NECTIN1: variants seen among roughly 807,000 people sequenced by gnomAD.
The protein encoded by NECTIN1 is nectin cell adhesion molecule 1, also known as nectin-1.
A neutral mutation model predicts 48.0 loss-of-function variants in NECTIN1; 23 were observed. The ratio of observed to expected loss-of-function variants is 0.48; its 90% CI spans 0.34 to 0.68. The LOEUF (loss-of-function observed/expected upper bound fraction) is 0.68. Ranked by LOEUF, NECTIN1 falls within the 30% of genes least tolerant of loss-of-function variation. The pLI is 0.01. For synonymous variants in NECTIN1, 270 were observed against 288.9 expected (o/e 0.93, Z 0.66); for missense variants, 591 against 709.9 (o/e 0.83, Z 1.90).
chr11:119,657,740 A>AATAATAATG (rs1864597754), downstream of NECTIN1, among the ~76,000 whole-genome samples: 1 of 7,394 alleles, frequency 1.4e-4, no homozygotes, highest in Non-Finnish European at 3.7e-4. Context: ...GTCTCTATAA[A>AATAATAATG]ATAATAATAA....
chr11:119,700,605 G>A (rs1429090817), intron 1 of NECTIN1, among the ~76,000 whole-genome samples: 1 of 152,208 alleles, frequency 6.6e-6, no homozygotes, highest in East Asian at 1.9e-4. Flanking sequence ...GACGGTGGGT[G>A]GGGAGTGTTC....
exon 8 of NECTIN1, chr11:119,638,114 C>T (rs1227781271): frequency 1.2e-5 from 19 of 1,612,842 alleles, no homozygotes; most frequent in African/African-American, 6.7e-5. Context: ...GCACTCTCCT[C>T]GAGGTTCGGT....
intron 5 of NECTIN1, chr11:119,654,278 TCC>T: frequency 1.3e-5 from 2 of 151,986 alleles, no homozygotes; most frequent in Non-Finnish European, 2.9e-5. Flanking sequence ...CATCCATCCA[TCC>T]ATCCATCCAT....
At chr11:119,701,508 G>T (rs1279467013) in intron 1 of NECTIN1, among the ~76,000 whole-genome samples, 1 of 151,996 alleles carries the variant, frequency 6.6e-6, no homozygotes, top group Non-Finnish European at 1.5e-5. Flanking sequence ...TCCCTAGAAC[G>T]GGACCACAGA....
At position 119,678,742 on chromosome 11, in the gene NECTIN1, C is replaced by G; in HGVS notation, c.103G>C (p.Val35Leu). Residue 35 changes from valine (V) to leucine (L), a missense_variant, in exon 2 of 6, where the codon GTG becomes CTG. By Grantham distance (32) the Val-to-Leu change is conservative. Transcript: ENST00000264025. This position sits in a 1 kb window ranked among gnomAD's most constrained non-coding sequence, Gnocchi z 4.4. The part of the protein sequence containing the change: ...LPGVHSQVVQ[V>L]NDSMYGFIGT... The stretch of plus-strand genomic sequence containing the variant: ...ATGAAGCCATACATGGAGTCGTTCA[C>G]CTGGACCACCTGGGAGTGGACGCCT... The G allele has an allele frequency of 1.9e-6, 3 of 1,611,384 alleles. No individual in the cohort carries two copies. The highest frequency in any genetic ancestry group is 2.5e-6 in the Non-Finnish European group (3 of 1,178,876).
At chr11:119,674,623 C>T in intron 5 of NECTIN1, 1 of 1,614,236 alleles carries the variant, frequency 6.2e-7, no homozygotes, top group Non-Finnish European at 8.5e-7. Context: ...CCTCCCTTTG[C>T]CCGGATAGAT....
downstream of NECTIN1, chr11:119,659,426 G>C (rs1242734836): frequency 1.3e-5 from 2 of 152,302 alleles, no homozygotes; most frequent in Non-Finnish European, 2.9e-5. Flanking sequence ...ATCCCAGGGG[G>C]GAACTTAGAC....
At chr11:119,699,763 G>A (rs762587198) in intron 1 of NECTIN1, among the ~76,000 whole-genome samples, 13 of 152,220 alleles carry the variant, frequency 8.5e-5, no homozygotes, top group Non-Finnish European at 1.6e-4. Flanking sequence ...TCGAGACTAA[G>A]TGGCATTCGG....
Position 119,663,627 on chromosome 11 carries a change from A to T in NECTIN1, c.*1120T>A, listed in dbSNP as rs570248260. On this transcript the variant is annotated 3_prime_UTR_variant, in exon 6 of 6. Transcript: ENST00000264025. ...TCCTTCCCCACTACCCTCCGTGTGG[A>T]TGCTTCTTTACCTCTGACTCCTGCA... 277 of 985,578 alleles carry T rather than the reference A, an allele frequency of 2.8e-4. 3 individuals carry two copies. In the Admixed American group the frequency reaches 2.9e-3, roughly 10 times the overall value. 61.1% of individuals were successfully genotyped at this position (985,578 alleles called of 1,614,324 possible). A position where few individuals can be genotyped will look rare whatever the true frequency, so the allele number is the denominator to read the frequency against.
rs1864699378 is a variant in NECTIN1 at position 119,663,265 on chromosome 11, A to C, written c.*1482T>G. The C allele has an allele frequency of 1.0e-6, 1 of 985,436 alleles. No homozygotes were observed. Among genetic ancestry groups the C allele is most frequent in the Non-Finnish European group, 1.2e-6 (1 of 830,024 alleles). The allele number at this position is 985,436 out of a possible 1,614,324, so 61.0% of individuals were successfully genotyped here. ...CTAGAGTGCCAGGGGATCTGGGAGCAGATGGAGGAACTGAGGCACTTTGAG... is the reference window on the plus strand; with the variant it reads ...CTAGAGTGCCAGGGGATCTGGGAGCCGATGGAGGAACTGAGGCACTTTGAG... On this transcript the variant is annotated 3_prime_UTR_variant, in exon 6 of 6. Coordinates refer to ENST00000264025, the MANE Select transcript of NECTIN1 (RefSeq NM_002855.5).
chr11:119,673,674 G>T lies in NECTIN1; in HGVS notation c.1003+1485C>A, dbSNP rs1864897046. ...TGTGACAGTGCCTCCCTGAGGGGTG[G>T]TCATGTTCCCTATGGCCACTCCACA... is the stretch of plus-strand genomic sequence containing the variant. On this transcript the variant is annotated intron_variant, in intron 5 of 5. Transcript: ENST00000264025. The surrounding 1 kb of genome is among the most constrained non-coding windows in gnomAD (Gnocchi z 5.8). Among the ~76,000 whole-genome samples, 1 of 152,166 alleles carries T rather than the reference G, an allele frequency of 6.6e-6. No homozygotes were observed.
intron 1 of NECTIN1, among the ~76,000 whole-genome samples, chr11:119,686,685 A>G (rs1171919212): frequency 6.6e-6 from 1 of 152,068 alleles, no homozygotes; most frequent in Non-Finnish European, 1.5e-5. Context: ...CCTCGGCGAA[A>G]ACCGCACCAC....
downstream of NECTIN1, among the ~76,000 whole-genome samples, chr11:119,659,871 A>G (rs1295212601): frequency 2.0e-5 from 3 of 152,252 alleles, no homozygotes; most frequent in Non-Finnish European, 4.4e-5. Flanking sequence ...ACAAATTAAA[A>G]ATTAACTTAA....
chr11:119,724,477 C>T (rs958786640), intron 1 of NECTIN1, among the ~76,000 whole-genome samples: 4 of 152,098 alleles, frequency 2.6e-5, no homozygotes, highest in Non-Finnish European at 4.4e-5. Context: ...GGCTTCCCAC[C>T]CCCCAAAGGA....
chr11:119,690,777 C>A (rs1162180479), intron 1 of NECTIN1, among the ~76,000 whole-genome samples: 1 of 152,102 alleles, frequency 6.6e-6, no homozygotes, highest in African/African-American at 2.4e-5. Flanking sequence ...TGGGGAGGGT[C>A]CCACATCACA....
downstream of NECTIN1, among the ~76,000 whole-genome samples, chr11:119,657,419 T>C (rs1463099699): frequency 6.6e-6 from 1 of 151,926 alleles, no homozygotes; most frequent in East Asian, 1.9e-4. Flanking sequence ...GTCGAGATCA[T>C]CCTGGCCAAC....
chr11:119,694,302 G>A (rs1362276136), intron 1 of NECTIN1, among the ~76,000 whole-genome samples: 3 of 152,168 alleles, frequency 2.0e-5, no homozygotes, highest in East Asian at 1.9e-4. Context: ...TCCGTGGCTC[G>A]GCTGGCTCAG....
intron 1 of NECTIN1, among the ~76,000 whole-genome samples, chr11:119,692,672 A>G (rs1865278512): frequency 6.6e-6 from 1 of 152,238 alleles, no homozygotes; most frequent in African/African-American, 2.4e-5. Context: ...GGATATTTAC[A>G]TACATTAATT....
At chr11:119,712,360 G>GGGCATAGTTTAAT (rs1865666843) in intron 1 of NECTIN1, among the ~76,000 whole-genome samples, 1 of 117,764 alleles carries the variant, frequency 8.5e-6, no homozygotes, top group Non-Finnish European at 2.0e-5. Context: ...TCAGGCCCCC[G>GGGCATAGTTTAAT]AGTCTCCACC....
Sources: gnomAD v4.1 joint callset for allele counts (sites outside exome capture counted in the v4.1 genomes callset) on GRCh38, gnomAD v4.1.1 for gene constraint, Gnocchi (gnomAD v3.1) non-coding constraint, MANE v1.5 for transcripts, NCBI Gene and HGNC (gene_info 2026-07-23, HGNC 2026-07-21) for gene names.